TANK: variants seen among roughly 807,000 people sequenced by gnomAD.
TANK encodes TRAF family member associated NFKB activator.
In TANK, 15 loss-of-function variants were observed where a neutral mutation model predicts 43.6. The observed-to-expected ratio is 0.34, with a 90% CI of 0.23 to 0.53. The LOEUF is 0.53. Ranked by LOEUF, TANK falls within the 20% of genes least tolerant of loss-of-function variation. TANK has a pLI of 0.94. For synonymous variants in TANK, 162 were observed against 178.2 expected (o/e 0.91, Z 0.73); for missense variants, 417 against 498.6 (o/e 0.84, Z 1.56).
At chr2:161,204,554 A>C (rs535853783) in intron 3 of TANK, 121 bp from the exon 4 acceptor site, 1 of 916,286 alleles carries the variant, frequency 1.1e-6, no homozygotes, top group African/African-American at 1.8e-5. Flanking sequence ...AGAATTTTCT[A>C]AAACTCCTAC....
intron 1 of TANK, among the ~76,000 whole-genome samples, chr2:161,150,157 T>C (rs998111177): frequency 1.3e-5 from 2 of 152,222 alleles, no homozygotes; most frequent in Non-Finnish European, 2.9e-5. Context: ...CTCTGTATTA[T>C]TATCAGTCTG....
At chr2:161,142,633 G>A (rs1683783821) in intron 1 of TANK, among the ~76,000 whole-genome samples, 1 of 152,164 alleles carries the variant, frequency 6.6e-6, no homozygotes, top group Non-Finnish European at 1.5e-5. Context: ...GATGGTTGTA[G>A]ATGTGTGGTG....
chr2:161,217,493 G>A (rs1687165869), intron 4 of TANK, among the ~76,000 whole-genome samples: 1 of 151,586 alleles, frequency 6.6e-6, no homozygotes, highest in East Asian at 1.9e-4. Flanking sequence ...TAGAAAACTG[G>A]GAATGCACTC....
chr2:161,168,806 C>T (rs1217550148), intron 1 of TANK, among the ~76,000 whole-genome samples: 2 of 152,154 alleles, frequency 1.3e-5, no homozygotes, highest in East Asian at 3.9e-4. Flanking sequence ...GCACTCCAGC[C>T]TCGAGCAACA....
chr2:161,183,203 G>T (rs1301298287), intron 2 of TANK, among the ~76,000 whole-genome samples: 1 of 152,034 alleles, frequency 6.6e-6, no homozygotes, highest in African/African-American at 2.4e-5. Context: ...TTCTTTGTGA[G>T]TCTCCTCTTG....
At chr2:161,162,668 T>G (rs2105252749) in intron 1 of TANK, 1 of 152,264 alleles carries the variant, frequency 6.6e-6, no homozygotes. Context: ...TAATAAATTA[T>G]ATTTATCAGG....
upstream of TANK, among the ~76,000 whole-genome samples, chr2:161,158,815 G>T (rs934122209): frequency 2.0e-5 from 3 of 152,130 alleles, no homozygotes; most frequent in African/African-American, 7.2e-5. Flanking sequence ...TCTGATAAAG[G>T]ACTTATCAAA....
At chr2:161,233,010 C>G in intron 7 of TANK, 3 of 730,788 alleles carry the variant, frequency 4.1e-6, no homozygotes, top group East Asian at 2.9e-5. Flanking sequence ...TTAAAAAAAA[C>G]CTTTTAAGCT....
At chr2:161,192,211 A>G (rs1685948900) in intron 2 of TANK, among the ~76,000 whole-genome samples, 2 of 152,180 alleles carry the variant, frequency 1.3e-5, no homozygotes, top group Admixed American at 6.5e-5. Context: ...ACCCATTTGT[A>G]TCACTGCTAC....
intron 1 of TANK, among the ~76,000 whole-genome samples, chr2:161,166,255 G>C (rs532779510): frequency 1.3e-5 from 2 of 152,354 alleles, no homozygotes; most frequent in South Asian, 2.1e-4. Context: ...TATATCAGCT[G>C]CCTGGATGGA....
intron 1 of TANK, among the ~76,000 whole-genome samples, chr2:161,176,491 T>G (rs950901254): frequency 6.6e-6 from 1 of 152,162 alleles, no homozygotes; most frequent in African/African-American, 2.4e-5. Context: ...TCAGTGACAT[T>G]TGTGTGATCT....
chr2:161,208,984 A>G (rs1686766212), intron 4 of TANK, among the ~76,000 whole-genome samples: 1 of 152,204 alleles, frequency 6.6e-6, no homozygotes, highest in Non-Finnish European at 1.5e-5. Flanking sequence ...GGTGTACAGA[A>G]GAGGATGTGA....
At chr2:161,140,003 A>G in intron 1 of TANK, 1 of 833,654 alleles carries the variant, frequency 1.2e-6, no homozygotes, top group Non-Finnish European at 1.4e-6. Flanking sequence ...TAATATTCAT[A>G]TTCAAAACTA....
intron 1 of TANK, among the ~76,000 whole-genome samples, chr2:161,145,671 G>A (rs1413891424): frequency 6.6e-6 from 1 of 151,906 alleles, no homozygotes; most frequent in Non-Finnish European, 1.5e-5. Context: ...CTGGCTTGTA[G>A]AGTTTCTGCT....
In TANK at chr2:161,204,620, G is replaced by A; in HGVS notation, c.209-55G>A. The A allele has an allele frequency of 2.6e-6, 4 of 1,536,646 alleles. No homozygotes were observed. In the South Asian group the frequency reaches 3.6e-5, roughly 14 times the overall value. Reference sequence around the variant, plus strand: ...TTTGTATTATTTTTTGCTTTTTCAGGTGGTACCAAAAATAAGGGTTTTCTG... The same window carrying A: ...TTTGTATTATTTTTTGCTTTTTCAGATGGTACCAAAAATAAGGGTTTTCTG... On this transcript the variant is annotated intron_variant, in intron 3 of 7. Transcript: ENST00000392749.
chr2:161,224,519 T>C (rs776967862), intron 5 of TANK, 112 bp from the exon 6 acceptor site: 31 of 472,130 alleles, frequency 6.6e-5, no homozygotes, highest in Non-Finnish European at 1.1e-4. Context: ...AATTTTTTTT[T>C]ACTTTTAAAT....
chr2:161,199,888 A>AC (rs1679197728), intron 2 of TANK, among the ~76,000 whole-genome samples: 1 of 152,190 alleles, frequency 6.6e-6, no homozygotes, highest in African/African-American at 2.4e-5. Flanking sequence ...TATACAAATA[A>AC]CATAATAATA....
At chr2:161,173,567 A>G (rs1297447318) in intron 1 of TANK, among the ~76,000 whole-genome samples, 1 of 151,908 alleles carries the variant, frequency 6.6e-6, no homozygotes, top group East Asian at 1.9e-4. Context: ...ATCTCTAGTG[A>G]ACCATTGGTT....
intron 1 of TANK, among the ~76,000 whole-genome samples, chr2:161,150,151 G>A (rs964019395): frequency 6.6e-6 from 1 of 151,974 alleles, no homozygotes; most frequent in Non-Finnish European, 1.5e-5. Flanking sequence ...TTCAATCTCT[G>A]TATTATTATC....
Sources: gnomAD v4.1 joint callset for allele counts (sites outside exome capture counted in the v4.1 genomes callset) on GRCh38, gnomAD v4.1.1 for gene constraint, MANE v1.5 for transcripts, NCBI Gene and HGNC (gene_info 2026-07-23, HGNC 2026-07-21) for gene names.